NIPAL2: variants seen among roughly 807,000 people sequenced by gnomAD.
The protein encoded by NIPAL2 is NIPA like domain containing 2.
NIPAL2 carries 43 observed loss-of-function variants against 48.9 expected under a neutral mutation model. The observed-to-expected ratio is 0.88, with a 90% CI of 0.69 to 1.13. The LOEUF (loss-of-function observed/expected upper bound fraction) is 1.13, where lower values mean the gene tolerates loss of function less well. Ranked by LOEUF, NIPAL2 falls within the 50% of genes most tolerant of loss-of-function variation. The pLI, the probability that NIPAL2 is intolerant of heterozygous loss-of-function variation, is 0.00. For synonymous variants in NIPAL2, 167 were observed against 174.6 expected, an observed-to-expected ratio of 0.96 and a Z score of 0.34; for missense variants, 446 against 461.4, an observed-to-expected ratio of 0.97 and a Z score of 0.31.
At position 98,205,108 on chromosome 8, in the gene NIPAL2, T is replaced by C. The variant is rs1458193900; in HGVS notation, c.791+3A>G. The C allele has an allele frequency of 1.2e-6, 2 of 1,613,348 alleles. No individual in the cohort carries two copies. The highest frequency in any genetic ancestry group is 1.7e-6 in the Non-Finnish European group (2 of 1,179,760). On this transcript the variant is annotated splice_donor_region_variant and intron_variant, in intron 7 of 10. Transcript: ENST00000430223. Reference sequence around the variant, plus strand: ...ATTAGTGAGTATGCAGAAGCTAACTTACTTGACTTGGAAAACACAAGATGC... The same window carrying C: ...ATTAGTGAGTATGCAGAAGCTAACTCACTTGACTTGGAAAACACAAGATGC...
intron 6 of NIPAL2, among the ~76,000 whole-genome samples, chr8:98,206,641 A>G (rs1811054275): frequency 6.6e-6 from 1 of 152,038 alleles, no homozygotes; most frequent in Admixed American, 6.6e-5. Flanking sequence ...ACAAAAAATT[A>G]GCTGGGCATG....
At position 98,258,447 on chromosome 8, in the gene NIPAL2, G is replaced by A. The variant is rs1814039224; in HGVS notation, c.136-4360C>T. On this transcript the variant is annotated intron_variant, in intron 1 of 10. Transcript: ENST00000430223. The stretch of plus-strand genomic sequence containing the variant: ...TCAGAGTGTGCTTTGACTTGGAGAA[G>A]TAAGGAAAAACTCACCTGCTGCAGA... 2.0e-5 allele frequency among the ~76,000 whole-genome samples: 3 copies of A among 152,132 alleles called. No individual in the cohort carries two copies. In the South Asian group the frequency reaches 6.2e-4, roughly 31 times the overall value.
chr8:98,206,316 G>GTGTGTA (rs138475191), intron 6 of NIPAL2, among the ~76,000 whole-genome samples: 7 of 147,578 alleles, frequency 4.7e-5, no homozygotes, highest in African/African-American at 1.8e-4. Context: ...GTGTGTGTGT[G>GTGTGTA]TATATATATA....
At chr8:98,272,734 G>A (rs1219925955) in intron 1 of NIPAL2, among the ~76,000 whole-genome samples, 5 of 151,598 alleles carry the variant, frequency 3.3e-5, no homozygotes, top group Admixed American at 3.3e-4. Context: ...CCTGTCTCAG[G>A]CTCCCGAGTA....
rs1554561615 is a variant in NIPAL2, at chr8:98,206,316, G to GTA, written c.656-1072_656-1071dup. On this transcript the variant is annotated intron_variant, in intron 6 of 10. Coordinates refer to ENST00000430223, the MANE Select transcript of NIPAL2 (RefSeq NM_001321635.2). ...AGGTATTTTATGTATGTGTGTGTGT[G>GTA]TATATATATATATGTATGTATGTAT... Among the ~76,000 whole-genome samples the GTA allele has an allele frequency of 3.3e-3, 490 of 147,666 alleles. 24 individuals carry two copies. In the East Asian group the frequency reaches 0.084, roughly 25 times the overall value.
chr8:98,260,358 C>T (rs1445089486), intron 1 of NIPAL2, among the ~76,000 whole-genome samples: 1 of 152,238 alleles, frequency 6.6e-6, no homozygotes, highest in African/African-American at 2.4e-5. Flanking sequence ...GCATTTCCAT[C>T]TGAGGTACCG....
chr8:98,265,189 C>T (rs1319277815), intron 1 of NIPAL2, among the ~76,000 whole-genome samples: 4 of 149,320 alleles, frequency 2.7e-5, no homozygotes, highest in Non-Finnish European at 1.5e-5. Flanking sequence ...TAGAAGAAAA[C>T]CTAGGCATTA....
At chr8:98,250,142 C>T (rs1813513597) in intron 3 of NIPAL2, among the ~76,000 whole-genome samples, 1 of 152,006 alleles carries the variant, frequency 6.6e-6, no homozygotes, top group South Asian at 2.1e-4. Context: ...AGAAAAGCAA[C>T]AAAAGATAGA....
At chr8:98,245,721 C>G (rs1813276716) in intron 3 of NIPAL2, among the ~76,000 whole-genome samples, 1 of 152,168 alleles carries the variant, frequency 6.6e-6, no homozygotes, top group Admixed American at 6.5e-5. Context: ...TAGAAATACT[C>G]TTGTGGCATG....
intron 4 of NIPAL2, among the ~76,000 whole-genome samples, chr8:98,228,407 A>C (rs2130772016): frequency 6.6e-6 from 1 of 152,292 alleles, no homozygotes; most frequent in South Asian, 2.1e-4. Context: ...TTAGGTCAAG[A>C]CTTGGATCCC....
At chr8:98,224,359 C>T (rs1392335129) in intron 4 of NIPAL2, among the ~76,000 whole-genome samples, 2 of 151,880 alleles carry the variant, frequency 1.3e-5, no homozygotes, top group Non-Finnish European at 2.9e-5. Flanking sequence ...TAAATAATTG[C>T]GTATTATATA....
chr8:98,265,798 C>G (rs1295565375), intron 1 of NIPAL2, among the ~76,000 whole-genome samples: 2 of 143,942 alleles, frequency 1.4e-5, no homozygotes, highest in South Asian at 2.3e-4. Context: ...ACCCAAAGGA[C>G]TATAAATCAT....
chr8:98,255,258 A>G (rs192103700), intron 1 of NIPAL2, among the ~76,000 whole-genome samples: 39 of 152,346 alleles, frequency 2.6e-4, no homozygotes, highest in Admixed American at 1.3e-3. Context: ...CAAAAGATGC[A>G]TTTGTTGCTC....
chr8:98,224,304 GT>G (rs1338717857), intron 4 of NIPAL2, among the ~76,000 whole-genome samples: 1 of 151,954 alleles, frequency 6.6e-6, no homozygotes, highest in Admixed American at 6.6e-5. Context: ...TTTCAGAGAT[GT>G]TTTATGCATG....
At chr8:98,237,937 T>G (rs113273347) in intron 3 of NIPAL2, among the ~76,000 whole-genome samples, 114 of 152,358 alleles carry the variant, frequency 7.5e-4, no homozygotes, top group African/African-American at 2.5e-3. Context: ...CTTTTTATTC[T>G]TCTAAGATCT....
intron 1 of NIPAL2, among the ~76,000 whole-genome samples, chr8:98,267,982 G>A (rs930553169): frequency 6.6e-6 from 1 of 152,174 alleles, no homozygotes; most frequent in Admixed American, 6.5e-5. Context: ...ACGAAAAGAA[G>A]ATTGTCCTTT....
intron 6 of NIPAL2, among the ~76,000 whole-genome samples, chr8:98,211,462 AAC>A (rs1811312177): frequency 2.0e-5 from 3 of 152,248 alleles, no homozygotes; most frequent in Admixed American, 2.0e-4. Flanking sequence ...AACTATCAAA[AAC>A]ACAAATTTTC....
chr8:98,226,110 A>C (rs1201678836), intron 4 of NIPAL2, among the ~76,000 whole-genome samples: 6 of 152,020 alleles, frequency 3.9e-5, no homozygotes, highest in Admixed American at 3.9e-4. Flanking sequence ...AGTATTCTGA[A>C]TTCCTTCTCT....
At chr8:98,273,748 T>G (rs766963848) in intron 1 of NIPAL2, among the ~76,000 whole-genome samples, 4 of 152,054 alleles carry the variant, frequency 2.6e-5, no homozygotes, top group Non-Finnish European at 5.9e-5. Flanking sequence ...TTTTCCGTTT[T>G]CATCTTGTTC....
Sources: gnomAD v4.1 joint callset for allele counts (sites outside exome capture counted in the v4.1 genomes callset) on GRCh38, gnomAD v4.1.1 for gene constraint, MANE v1.5 for transcripts, NCBI Gene and HGNC (gene_info 2026-07-23, HGNC 2026-07-21) for gene names.